The following PIK3R6 variants were observed in gnomAD, a reference collection of about 807,000 sequenced individuals.
PIK3R6 encodes the protein phosphoinositide 3-kinase regulatory subunit 6.
PIK3R6 carries 91 observed loss-of-function variants against 84.9 expected under a neutral mutation model. That is an observed-to-expected ratio of 1.07 (90% CI 0.90 to 1.28). The LOEUF (loss-of-function observed/expected upper bound fraction) is 1.28. Ranked by LOEUF, PIK3R6 falls within the 50% of genes most tolerant of loss-of-function variation. The pLI is 0.00. For synonymous variants in PIK3R6, 416 were observed against 411.4 expected (o/e 1.01, Z -0.13); for missense variants, 996 against 985.1 (o/e 1.01, Z -0.15).
chr17:8,853,762 G>C (rs1331075124), intron 1 of PIK3R6, among the ~76,000 whole-genome samples: 2 of 151,834 alleles, frequency 1.3e-5, no homozygotes, highest in East Asian at 1.9e-4. Flanking sequence ...AGGAGATCAA[G>C]ACCATCCTGG....
intron 1 of PIK3R6, among the ~76,000 whole-genome samples, chr17:8,866,414 T>C (rs2089413802): frequency 6.6e-6 from 1 of 152,060 alleles, no homozygotes; most frequent in Non-Finnish European, 1.5e-5. Flanking sequence ...TGGTGGTGTG[T>C]GCCTGTAGTC....
Sources: gnomAD v4.1 joint callset for allele counts (sites outside exome capture counted in the v4.1 genomes callset) on GRCh38, gnomAD v4.1.1 for gene constraint, MANE v1.5 for transcripts, NCBI Gene and HGNC (gene_info 2026-07-23, HGNC 2026-07-21) for gene names.